POTEC: variants seen among roughly 807,000 people sequenced by gnomAD.
POTEC encodes the protein POTE ankyrin domain family member C.
Under a neutral mutation model 62.0 loss-of-function variants are expected in POTEC, and 35 were observed. The observed-to-expected ratio is 0.56, with a 90% CI of 0.43 to 0.75. POTEC has a LOEUF of 0.75. Ranked by LOEUF, POTEC falls within the 30% of genes least tolerant of loss-of-function variation. The probability of loss-of-function intolerance (pLI) is 0.00; values close to 1 mark genes in which losing one functional copy is unlikely to be tolerated. For synonymous variants in POTEC, 156 were observed against 221.5 expected, an observed-to-expected ratio of 0.70 and a Z score of 2.62; for missense variants, 472 against 655.9, an observed-to-expected ratio of 0.72 and a Z score of 3.06.
chr18:14,541,189 T>C (rs1905920123), intron 1 of POTEC, among the ~76,000 whole-genome samples: 1 of 152,072 alleles, frequency 6.6e-6, no homozygotes, highest in Non-Finnish European at 1.5e-5. Flanking sequence ...ATGGCTGGCC[T>C]TTCATTCCTC....
rs554828373 is a variant in POTEC, at chr18:14,513,534, T to C, written c.1533+128A>G. The C allele has an allele frequency of 3.4e-4, 426 of 1,261,792 alleles. 1 individual carries two copies. The African/African-American group carries it at 7.8e-3, about 23-fold the overall frequency. 78.2% of individuals were successfully genotyped at this position (1,261,792 alleles called of 1,614,324 possible). On this transcript the variant is annotated intron_variant, in intron 10 of 10. Coordinates refer to ENST00000358970, the MANE Select transcript of POTEC (RefSeq NM_001137671.2). ...GATATACAGGGTGTGTGTTTACATA[T>C]ATACACACACACACACACACACACG...
In POTEC at chr18:14,513,654, G is replaced by T; in HGVS notation, c.1533+8C>A. The T allele has an allele frequency of 6.2e-7, 1 of 1,611,112 alleles. No homozygotes were observed. The highest frequency in any genetic ancestry group is 1.1e-5 in the South Asian group (1 of 90,686). On this transcript the variant is annotated splice_region_variant and intron_variant, in intron 10 of 10. Transcript: ENST00000358970. ...ATGAAAACATTTGAAAATGACTAAA[G>T]AAAATACCTCAGAATTCATTTTCTT...
intron 5 of POTEC, among the ~76,000 whole-genome samples, chr18:14,530,858 T>C (rs1457431810): frequency 6.6e-6 from 1 of 152,204 alleles, no homozygotes; most frequent in Non-Finnish European, 1.5e-5. Flanking sequence ...AATGAACAGC[T>C]ATTTGTTCTT....
In POTEC at chr18:14,543,307, C is replaced by G; in HGVS notation, c.-161G>C. On this transcript the variant is annotated 5_prime_UTR_variant, in exon 1 of 11. Transcript: ENST00000358970. Reference sequence around the variant, plus strand: ...CCCAGCAAGGGAGCCCAGTCCACCCCACCCAGGGAAAACCCACACCCACCC... The same window carrying G: ...CCCAGCAAGGGAGCCCAGTCCACCCGACCCAGGGAAAACCCACACCCACCC... The G allele has an allele frequency of 7.6e-7, 1 of 1,310,996 alleles. No individual in the cohort carries two copies. Among genetic ancestry groups the G allele is most frequent in the Admixed American group, 2.6e-5 (1 of 38,774 alleles). 81.2% of individuals were successfully genotyped at this position (1,310,996 alleles called of 1,614,324 possible).
chr18:14,518,850 C>T lies in POTEC; in HGVS notation c.1409+3404G>A, dbSNP rs201509315. Among the ~76,000 whole-genome samples the T allele has an allele frequency of 5.8e-3, 874 of 150,258 alleles. 16 individuals are homozygous for T. Among genetic ancestry groups the T allele is most frequent in the South Asian group, 0.056 (260 of 4,672 alleles). ...TGGCAAGAATTCAGTGTGGCTGAAG[C>T]AGAGCAAGGGAGATAATTAGGAGGA... On this transcript the variant is annotated intron_variant, in intron 9 of 10. Transcript: ENST00000358970.
At chr18:14,526,781 ACTTTT>A (rs891151668) in intron 6 of POTEC, among the ~76,000 whole-genome samples, 2 of 152,158 alleles carry the variant, frequency 1.3e-5, no homozygotes, top group Admixed American at 1.3e-4. Flanking sequence ...CCTTATGTGT[ACTTTT>A]AAGATGCTTA....
intron 9 of POTEC, among the ~76,000 whole-genome samples, chr18:14,516,767 C>A (rs1910173706): frequency 6.6e-6 from 1 of 151,294 alleles, no homozygotes; most frequent in Non-Finnish European, 1.5e-5. Flanking sequence ...ATAAAATGAC[C>A]TGGTAAATTT....
chr18:14,532,585 CT>C (rs1405396265), intron 5 of POTEC, among the ~76,000 whole-genome samples: 4 of 151,824 alleles, frequency 2.6e-5, no homozygotes, highest in African/African-American at 7.3e-5. Flanking sequence ...TTGGAATGTC[CT>C]TTTTTTTCTC....
rs749255358 is a variant in POTEC, at chr18:14,543,166, G to A, written c.-20C>T. On this transcript the variant is annotated 5_prime_UTR_variant, in exon 1 of 11. Coordinates refer to ENST00000358970, the MANE Select transcript of POTEC (RefSeq NM_001137671.2). ...CACCATCTGCTTTTAACAGCCCGGG[G>A]AGGCCGGTAGTAGCGAACAGATCGC... 25 of 1,613,000 alleles carry A rather than the reference G, an allele frequency of 1.5e-5. No individual in the cohort carries two copies. The South Asian group carries it at 2.7e-4, about 18-fold the overall frequency.
chr18:14,536,801 T>A (rs1038479813), intron 3 of POTEC, among the ~76,000 whole-genome samples: 1 of 152,006 alleles, frequency 6.6e-6, no homozygotes, highest in South Asian at 2.1e-4. Context: ...CACAAAATTT[T>A]CCCCAGTAAG....
intron 9 of POTEC, among the ~76,000 whole-genome samples, chr18:14,516,663 T>TGCG (rs1555622971): frequency 7.3e-6 from 1 of 136,676 alleles, no homozygotes; most frequent in Admixed American, 7.1e-5. Context: ...GCCAAACTAC[T>TGCG]GGGGGGGGGT....
rs1379397207 is a variant in POTEC at position 14,543,591 on chromosome 18, A to G, written c.-445T>C. On this transcript the variant is annotated 5_prime_UTR_variant, in exon 1 of 11. Coordinates refer to ENST00000358970, the MANE Select transcript of POTEC (RefSeq NM_001137671.2). ...GAAGCGTACCCGTTACAGGTAAGCC[A>G]AGCCGTTATGCGCGTGCGGGGCGCG... 8.2e-6 allele frequency: 2 copies of G among 243,032 alleles called. No individual in the cohort carries two copies. Among genetic ancestry groups the G allele is most frequent in the South Asian group, 4.7e-5 (1 of 21,344 alleles). The allele number at this position is 243,032 out of a possible 1,614,324, so 15.1% of individuals were successfully genotyped here. A position where few individuals can be genotyped will look rare whatever the true frequency, so the allele number is the denominator to read the frequency against.
chr18:14,524,787 CT>C (rs1910394283), intron 7 of POTEC, 125 bp downstream of exon 7: 2 of 958,800 alleles, frequency 2.1e-6, no homozygotes, highest in Admixed American at 7.3e-5. Flanking sequence ...TTAAAAAATT[CT>C]TAAAAAAAGA....
chr18:14,533,935 T>A (rs566409885), intron 4 of POTEC, among the ~76,000 whole-genome samples: 87 of 152,068 alleles, frequency 5.7e-4, no homozygotes, highest in African/African-American at 1.5e-3. Flanking sequence ...TATTTTTTTT[T>A]AATTATACTT....
rs1909963633 is a variant in POTEC, at chr18:14,510,175, G to A, written c.*1723C>T. On this transcript the variant is annotated 3_prime_UTR_variant, in exon 11 of 11. Transcript: ENST00000358970. ...TTGTGGGCCCAAGCCACGGTTCCTT[G>A]TCTGGTGATGAGCAGTAAGGGGTGT... 1 of 152,316 alleles carries A rather than the reference G, an allele frequency of 6.6e-6. No individual in the cohort carries two copies. Among genetic ancestry groups the A allele is most frequent in the Non-Finnish European group, 1.5e-5 (1 of 68,182 alleles). 9.4% of individuals were successfully genotyped at this position (152,316 alleles called of 1,614,324 possible). A position where few individuals can be genotyped will look rare whatever the true frequency, so the allele number is the denominator to read the frequency against.
chr18:14,535,669 TAC>T (rs1905688470), intron 3 of POTEC, among the ~76,000 whole-genome samples: 1 of 151,986 alleles, frequency 6.6e-6, no homozygotes, highest in South Asian at 2.1e-4. Context: ...GCCAAAGCTC[TAC>T]AAACTTAAGA....
intron 5 of POTEC, among the ~76,000 whole-genome samples, chr18:14,530,962 G>T (rs549482167): frequency 2.0e-5 from 3 of 151,984 alleles, no homozygotes; most frequent in African/African-American, 4.8e-5. Flanking sequence ...ATTTAACAAG[G>T]TAACATTTTT....
rs567836489 is a variant in POTEC, at chr18:14,518,600, G to A, written c.1409+3654C>T. On this transcript the variant is annotated intron_variant, in intron 9 of 10. Transcript: ENST00000358970. ...CACCCAATTGAACCTTAAGCATGAC[G>A]CGTCTGGGTAGCACACCGTTCTTCC... Among the ~76,000 whole-genome samples, 1,309 of 139,358 alleles carry A rather than the reference G, an allele frequency of 9.4e-3. 12 individuals carry two copies. Among genetic ancestry groups the A allele is most frequent in the Middle Eastern group, 0.021 (6 of 282 alleles). The allele number at this position is 139,358 out of a possible 152,430, so 91.4% of individuals were successfully genotyped here.
chr18:14,521,253 A>T (rs1211227997), intron 9 of POTEC, among the ~76,000 whole-genome samples: 1 of 152,204 alleles, frequency 6.6e-6, no homozygotes, highest in Non-Finnish European at 1.5e-5. Flanking sequence ...GTGTCCATGT[A>T]GCGTGTAGCT....
Sources: allele counts gnomAD v4.1 joint callset (sites outside exome capture counted in the v4.1 genomes callset), GRCh38; gene constraint gnomAD v4.1.1; transcripts MANE v1.5; gene names NCBI Gene and HGNC (gene_info 2026-07-23, HGNC 2026-07-21).